EDIL3: variants seen among roughly 807,000 people sequenced by gnomAD.
EDIL3 encodes EGF-like repeat and discoidin I-like domain-containing protein 3.
A neutral mutation model predicts 67.4 loss-of-function variants in EDIL3; 37 were observed. That is an observed-to-expected ratio of 0.55 (90% CI 0.42 to 0.72). EDIL3 has a LOEUF of 0.72. Among genes scored for constraint, EDIL3 ranks in the 30% least tolerant of loss-of-function variants. The pLI is 0.00. For missense variants in EDIL3, 527 were observed against 586.3 expected, an observed-to-expected ratio of 0.90 and a Z score of 1.04; for synonymous variants, 195 against 196.3, an observed-to-expected ratio of 0.99 and a Z score of 0.05.
chr5:84,376,973 G>T (rs1488306852), intron 1 of EDIL3, among the ~76,000 whole-genome samples: 1 of 152,112 alleles, frequency 6.6e-6, no homozygotes, highest in Non-Finnish European at 1.5e-5. Context: ...TAAATAAACA[G>T]AAAAAATAGC....
At chr5:84,265,175 A>T (rs1745321777) in intron 1 of EDIL3, among the ~76,000 whole-genome samples, 1 of 152,224 alleles carries the variant, frequency 6.6e-6, no homozygotes, top group African/African-American at 2.4e-5. Context: ...CTTTAATTAT[A>T]TCTTGTTTAA....
intron 2 of EDIL3, among the ~76,000 whole-genome samples, chr5:84,249,939 T>TTA (rs371945895): frequency 1.4e-3 from 205 of 151,582 alleles, no homozygotes; most frequent in African/African-American, 4.6e-3. Context: ...AATAGAACAT[T>TTA]TATATATATA....
intron 3 of EDIL3, among the ~76,000 whole-genome samples, chr5:84,209,025 C>T (rs1476693789): frequency 6.6e-6 from 1 of 152,156 alleles, no homozygotes; most frequent in Non-Finnish European, 1.5e-5. Context: ...CACATATACA[C>T]CTTGGAATAC....
chr5:84,225,485 T>C (rs1321837240), intron 3 of EDIL3, among the ~76,000 whole-genome samples: 1 of 151,652 alleles, frequency 6.6e-6, no homozygotes, highest in South Asian at 2.1e-4. Flanking sequence ...TTATCTGTTT[T>C]AACGAGGCAG....
intron 9 of EDIL3, among the ~76,000 whole-genome samples, chr5:83,999,181 C>A (rs913280129): frequency 1.3e-5 from 2 of 152,074 alleles, no homozygotes; most frequent in African/African-American, 4.8e-5. Flanking sequence ...AGGATAGATA[C>A]AAACAAGCCC....
chr5:84,076,647 A>C (rs1232980534), intron 6 of EDIL3, among the ~76,000 whole-genome samples: 1 of 152,220 alleles, frequency 6.6e-6, no homozygotes, highest in African/African-American at 2.4e-5. Context: ...AATTATTGGA[A>C]TGTATGAAAC....
In EDIL3 at chr5:84,035,407, C is replaced by A. The variant is rs530829713; in HGVS notation, c.1137+24893G>T. Reference sequence around the variant, plus strand: ...AAACTTTTTTAGCTAGTGGATTAAGCAATAAAACCAGTTACAGTTTTAAAA... The same window carrying A: ...AAACTTTTTTAGCTAGTGGATTAAGAAATAAAACCAGTTACAGTTTTAAAA... On this transcript the variant is annotated intron_variant, in intron 9 of 10. Coordinates refer to ENST00000296591, the MANE Select transcript of EDIL3 (RefSeq NM_005711.5). Among the ~76,000 whole-genome samples, 4 of 152,058 alleles carry A rather than the reference C, an allele frequency of 2.6e-5. No homozygotes were observed. The South Asian group carries it at 8.3e-4, about 32-fold the overall frequency.
chr5:84,192,799 A>T (rs895721676), intron 3 of EDIL3, among the ~76,000 whole-genome samples: 2 of 152,046 alleles, frequency 1.3e-5, no homozygotes. Flanking sequence ...AAGAAATGAA[A>T]TTGTAAAGAA....
At chr5:83,981,212 A>G (rs1486051806) in intron 9 of EDIL3, among the ~76,000 whole-genome samples, 2 of 152,088 alleles carry the variant, frequency 1.3e-5, no homozygotes, top group Non-Finnish European at 1.5e-5. Flanking sequence ...ACAAAGTTTG[A>G]GGATTCCTAC....
At chr5:84,314,208 A>G (rs991883737) in intron 1 of EDIL3, among the ~76,000 whole-genome samples, 3 of 152,218 alleles carry the variant, frequency 2.0e-5, no homozygotes, top group Non-Finnish European at 4.4e-5. Flanking sequence ...AAAAAAGAAA[A>G]AAAGAAAGAA....
At chr5:84,094,575 G>A (rs16900889) in intron 6 of EDIL3, among the ~76,000 whole-genome samples, 4,284 of 151,950 alleles carry the variant, frequency 0.028, 199 homozygotes, top group African/African-American at 0.098. Context: ...ATCTGAAAAA[G>A]CTCCAGGTGT....
At chr5:84,236,455 G>A (rs1744684401) in intron 2 of EDIL3, among the ~76,000 whole-genome samples, 1 of 151,952 alleles carries the variant, frequency 6.6e-6, no homozygotes, top group South Asian at 2.1e-4. Flanking sequence ...TATTAAATGT[G>A]CCCTTCCTCC....
At chr5:84,023,541 T>C (rs1453701223) in intron 9 of EDIL3, among the ~76,000 whole-genome samples, 3 of 152,110 alleles carry the variant, frequency 2.0e-5, no homozygotes, top group East Asian at 3.8e-4. Context: ...TTAGCATATA[T>C]GTTTCTACTA....
intron 1 of EDIL3, among the ~76,000 whole-genome samples, chr5:84,355,074 G>A (rs1008968985): frequency 4.6e-5 from 7 of 152,248 alleles, no homozygotes; most frequent in Middle Eastern, 3.4e-3. Flanking sequence ...ATCCTGAAGT[G>A]TGCTTTCCAA....
chr5:84,242,751 T>C (rs890703519), intron 2 of EDIL3, among the ~76,000 whole-genome samples: 5 of 145,432 alleles, frequency 3.4e-5, no homozygotes, highest in East Asian at 2.0e-4. Flanking sequence ...TGAGCCATGA[T>C]TGCATCATTG....
At position 84,264,024 on chromosome 5, in the gene EDIL3, C is replaced by T. The variant is rs116705777; in HGVS notation, c.68-9812G>A. Among the ~76,000 whole-genome samples the T allele has an allele frequency of 3.1e-3, 470 of 152,132 alleles. 2 individuals carry two copies. Among genetic ancestry groups the T allele is most frequent in the African/African-American group, 0.011 (461 of 41,488 alleles). Reference sequence around the variant, plus strand: ...GGAAGCTGAGGCAGGCAGATTGAGACCAGGGGTTTGAGATCAGCCTTGCCA... The same window carrying T: ...GGAAGCTGAGGCAGGCAGATTGAGATCAGGGGTTTGAGATCAGCCTTGCCA... On this transcript the variant is annotated intron_variant, in intron 1 of 10. Transcript: ENST00000296591.
intron 4 of EDIL3, among the ~76,000 whole-genome samples, chr5:84,164,542 G>A (rs1748670962): frequency 6.6e-6 from 1 of 151,962 alleles, no homozygotes; most frequent in Non-Finnish European, 1.5e-5. Flanking sequence ...AACCCCAACT[G>A]GTCAAGTTCA....
chr5:84,208,491 A>G (rs1404839268), intron 3 of EDIL3, among the ~76,000 whole-genome samples: 1 of 151,166 alleles, frequency 6.6e-6, no homozygotes, highest in Admixed American at 6.6e-5. Flanking sequence ...CATCCTGGCT[A>G]ACAAGGTGAA....
At chr5:84,351,178 T>C (rs913547608) in intron 1 of EDIL3, among the ~76,000 whole-genome samples, 1 of 152,206 alleles carries the variant, frequency 6.6e-6, no homozygotes, top group Admixed American at 6.5e-5. Context: ...GACAGATGTT[T>C]CCAGGAAACT....
Sources: allele counts gnomAD v4.1 joint callset (sites outside exome capture counted in the v4.1 genomes callset), GRCh38; gene constraint gnomAD v4.1.1; transcripts MANE v1.5; gene names NCBI Gene and HGNC (gene_info 2026-07-23, HGNC 2026-07-21).